Variants in CYP7A1 observed in about 807,000 individuals in gnomAD.
CYP7A1 encodes cytochrome P450 7A1.
In CYP7A1, 28 loss-of-function variants were observed where a neutral mutation model predicts 43.8. The ratio of observed to expected loss-of-function variants is 0.64; its 90% CI spans 0.47 to 0.88. The LOEUF (loss-of-function observed/expected upper bound fraction) is 0.88. Ranked by LOEUF, CYP7A1 falls within the 40% of genes least tolerant of loss-of-function variation. The pLI, the probability that CYP7A1 is intolerant of heterozygous loss-of-function variation, is 0.00. For missense variants in CYP7A1, 637 were observed against 611.9 expected, an observed-to-expected ratio of 1.04 and a Z score of -0.43; for synonymous variants, 227 against 222.5, an observed-to-expected ratio of 1.02 and a Z score of -0.18.
intron 4 of CYP7A1, among the ~76,000 whole-genome samples, chr8:58,493,986 C>G (rs113073038): frequency 6.6e-6 from 1 of 151,956 alleles, no homozygotes; most frequent in Non-Finnish European, 1.5e-5. Flanking sequence ...GGCAACAGAA[C>G]AAGACTTTGT....
intron 1 of CYP7A1, among the ~76,000 whole-genome samples, chr8:58,498,697 C>T (rs1809486467): frequency 1.3e-5 from 2 of 152,094 alleles, no homozygotes; most frequent in Admixed American, 6.6e-5. Flanking sequence ...TTCATGCATC[C>T]GTCCATATAC....
Position 58,491,604 on chromosome 8 carries a change from A to C in CYP7A1, c.1386T>G (p.Leu462=). 1.2e-6 allele frequency: 2 copies of C among 1,614,238 alleles called. No individual in the cohort carries two copies. Among genetic ancestry groups the C allele is most frequent in the Non-Finnish European group, 1.7e-6 (2 of 1,180,040 alleles). ...CTATAAGCTCCAATTCAAAATAAGA[A>C]AGCATCAGAATCAAAAATTGCTTGA... ...HEIKQFLILM[L]SYFELELIEG... The change falls in exon 6 of 6, where the codon CTT becomes CTG. Residue 462 remains leucine, a synonymous_variant. Transcript: ENST00000301645.
chr8:58,492,539 T>C lies in CYP7A1; in HGVS notation c.1040-11A>G. ...CCTTGATTATACTATCTAAACATTTTAAAAGAAAAAAAGATAAAAAATGAA... is the reference window on the plus strand; with the variant it reads ...CCTTGATTATACTATCTAAACATTTCAAAAGAAAAAAAGATAAAAAATGAA... On this transcript the variant is annotated splice_polypyrimidine_tract_variant and intron_variant, in intron 4 of 5. Transcript: ENST00000301645. 3 of 1,607,860 alleles carry C rather than the reference T, an allele frequency of 1.9e-6. No individual in the cohort carries two copies. Among genetic ancestry groups the C allele is most frequent in the Non-Finnish European group, 2.6e-6 (3 of 1,175,032 alleles).
chr8:58,498,524 T>C, intron 1 of CYP7A1, 55 bp from the exon 2 acceptor site: 1 of 1,605,130 alleles, frequency 6.2e-7, no homozygotes, highest in Non-Finnish European at 8.5e-7. Context: ...GGGTTTTTAC[T>C]TACATCAGGT....
chr8:58,494,951 T>C (rs1038148217), intron 3 of CYP7A1, among the ~76,000 whole-genome samples: 4 of 151,892 alleles, frequency 2.6e-5, no homozygotes, highest in Non-Finnish European at 4.4e-5. Context: ...CTGACCAACA[T>C]GGCGAAACCC....
In CYP7A1 at chr8:58,500,150, G is replaced by A. The variant is rs753133818; in HGVS notation, c.-52C>T. ...AGGAAGAAAATCTCTGATTAGAAAG[G>A]GAAGGATGCCACTGAAAAGAGACTC... On this transcript the variant is annotated 5_prime_UTR_variant, in exon 1 of 6. Coordinates refer to ENST00000301645, the MANE Select transcript of CYP7A1 (RefSeq NM_000780.4). 7.1e-7 allele frequency: 1 copy of A among 1,404,794 alleles called. No individual in the cohort carries two copies. The highest frequency in any genetic ancestry group is 1.0e-6 in the Non-Finnish European group (1 of 989,758). 87.0% of individuals were successfully genotyped at this position (1,404,794 alleles called of 1,614,324 possible). A position where few individuals can be genotyped will look rare whatever the true frequency, so the allele number is the denominator to read the frequency against.
intron 1 of CYP7A1, 152 bp from the exon 2 acceptor site, chr8:58,498,621 A>G (rs1809485571): frequency 2.6e-6 from 2 of 769,292 alleles, no homozygotes; most frequent in Admixed American, 2.2e-5. Context: ...CTCTTTTACT[A>G]CAGTAATAGG....
intron 2 of CYP7A1, 126 bp downstream of exon 2, chr8:58,498,103 C>A (rs1165455121): frequency 9.6e-7 from 1 of 1,038,298 alleles, no homozygotes; most frequent in East Asian, 2.5e-5. Context: ...CTAAGAATCT[C>A]CACATAAGGA....
intron 2 of CYP7A1, among the ~76,000 whole-genome samples, chr8:58,497,746 C>G (rs1480935396): frequency 6.6e-6 from 1 of 152,078 alleles, no homozygotes; most frequent in Non-Finnish European, 1.5e-5. Context: ...TATTTATTTG[C>G]AGTAAGTAAG....
At position 58,492,449 on chromosome 8, in the gene CYP7A1, G is replaced by C. The variant is rs761420413; in HGVS notation, c.1119C>G (p.His373Gln). The C allele has an allele frequency of 2.0e-5, 32 of 1,614,024 alleles. No individual in the cohort carries two copies. The Admixed American group carries it at 4.3e-4, about 22-fold the overall frequency. ...IRTAKEDFTL[H>Q]LEDGSYNIRK... Reference sequence around the variant, plus strand: ...GGATGTTGTAGGAACCGTCCTCAAGGTGCAAAGTGAAATCCTCCTTAGCTG... The same window carrying C: ...GGATGTTGTAGGAACCGTCCTCAAGCTGCAAAGTGAAATCCTCCTTAGCTG... Residue 373 changes from histidine (H) to glutamine (Q), a missense_variant, in exon 5 of 6, where the codon CAC becomes CAG. His to Gln is a conservative substitution (Grantham distance 24). Coordinates refer to ENST00000301645, the MANE Select transcript of CYP7A1 (RefSeq NM_000780.4).
intron 4 of CYP7A1, among the ~76,000 whole-genome samples, chr8:58,493,298 A>T (rs1047630116): frequency 2.1e-4 from 32 of 152,228 alleles, no homozygotes; most frequent in African/African-American, 7.7e-4. Context: ...GCACTGACAC[A>T]TACATATGTT....
At position 58,497,014 on chromosome 8, in the gene CYP7A1, C is replaced by A. The variant is rs1354168442; in HGVS notation, c.498G>T (p.Trp166Cys). 6.2e-7 allele frequency: 1 copy of A among 1,612,466 alleles called. No homozygotes were observed. Among genetic ancestry groups the A allele is most frequent in the East Asian group, 2.2e-5 (1 of 44,882 alleles). The change falls in exon 3 of 6, where the codon TGG becomes TGT. Residue 166 changes from tryptophan to cysteine, a missense_variant. Transcript: ENST00000301645. ...PVSSNSKTAA[W>C]VTEGMYSFCY... ...AGAAAGAATACATCCCTTCTGTCAC[C>A]CAGGCAGCGGTCTTTGAGTTAGAGG...
At chr8:58,493,509 T>G (rs2129605803) in intron 4 of CYP7A1, among the ~76,000 whole-genome samples, 1 of 152,270 alleles carries the variant, frequency 6.6e-6, no homozygotes, top group East Asian at 1.9e-4. Flanking sequence ...TTAACTGTCA[T>G]GTTTTAGGGT....
rs930310389 is a variant in CYP7A1, at chr8:58,496,909, A to T, written c.603T>A (p.His201Gln). ...DLTRRDTQKA[H>Q]ILNNLDNFKQ... ...TGAAGTTGTCAAGATTGTTTAGAAT[A>T]TGTGCTTTCTGTGTGTCCCGCCTTG... Residue 201 changes from histidine (H) to glutamine (Q), a missense_variant, in exon 3 of 6, where the codon CAT becomes CAA. His to Gln is a conservative substitution (Grantham distance 24). Coordinates refer to ENST00000301645, the MANE Select transcript of CYP7A1 (RefSeq NM_000780.4). The T allele has an allele frequency of 4.3e-6, 7 of 1,614,076 alleles. No homozygotes were observed. In the African/African-American group the frequency reaches 9.3e-5, roughly 22 times the overall value.
Position 58,496,601 on chromosome 8 carries a change from C to T in CYP7A1, c.908+3G>A. 1 of 1,609,026 alleles carries T rather than the reference C, an allele frequency of 6.2e-7. No homozygotes were observed. Among genetic ancestry groups the T allele is most frequent in the South Asian group, 1.1e-5 (1 of 90,968 alleles). ...AAAAAGAAATGGATATGGCGTTAGT[C>T]ACCTAATCATTTGAAATAAACTCCA... On this transcript the variant is annotated splice_donor_region_variant and intron_variant, in intron 3 of 5. Transcript: ENST00000301645.
At chr8:58,495,223 A>ATTTATTTATTTATTTAT (rs1809420973) in intron 3 of CYP7A1, among the ~76,000 whole-genome samples, 2 of 146,782 alleles carry the variant, frequency 1.4e-5, no homozygotes, top group Admixed American at 1.4e-4. Context: ...ATTTTTATTT[A>ATTTATTTATTTATTTAT]TTTATTTATT....
chr8:58,499,664 G>A (rs1196774308), intron 1 of CYP7A1, among the ~76,000 whole-genome samples: 1 of 152,132 alleles, frequency 6.6e-6, no homozygotes, highest in Non-Finnish European at 1.5e-5. Flanking sequence ...CCTTTCCATT[G>A]TAGATTCCCA....
rs904281116 is a variant in CYP7A1, at chr8:58,490,670, C to T, written c.*805G>A. On this transcript the variant is annotated 3_prime_UTR_variant, in exon 6 of 6. Coordinates refer to ENST00000301645, the MANE Select transcript of CYP7A1 (RefSeq NM_000780.4). ...TATAGAGAAGATAGTTAAAGCCGGA[C>T]ATAGAGTTTTCAGCAACAATAAGTT... 3 of 152,078 alleles carry T rather than the reference C, an allele frequency of 2.0e-5. No individual in the cohort carries two copies. Among genetic ancestry groups the T allele is most frequent in the African/African-American group, 7.2e-5 (3 of 41,388 alleles). The allele number at this position is 152,078 out of a possible 1,614,324, so 9.4% of individuals were successfully genotyped here. A position where few individuals can be genotyped will look rare whatever the true frequency, so the allele number is the denominator to read the frequency against.
At position 58,497,175 on chromosome 8, in the gene CYP7A1, T is replaced by C. The variant is rs1809459086; in HGVS notation, c.337A>G (p.Ser113Gly). ...ATSAKAFGHR[S>G]IDPMDGNTTE... is the part of the protein sequence containing the mutation. ...GTATTTCCATCCATCGGGTCAATGC[T>C]TCTGTGCCCAAATGCCTGATAGCAA... The change falls in exon 3 of 6, where the codon AGC becomes GGC. Residue 113 changes from serine to glycine, a missense_variant. Physicochemically the swap from Ser to Gly is moderately conservative, Grantham distance 56. Transcript: ENST00000301645. The C allele has an allele frequency of 6.3e-7, 1 of 1,599,430 alleles. No individual in the cohort carries two copies. Among genetic ancestry groups the C allele is most frequent in the Non-Finnish European group, 8.5e-7 (1 of 1,179,784 alleles).
Sources: gnomAD v4.1 joint callset for allele counts (sites outside exome capture counted in the v4.1 genomes callset) on GRCh38, gnomAD v4.1.1 for gene constraint, MANE v1.5 for transcripts, NCBI Gene and HGNC (gene_info 2026-07-23, HGNC 2026-07-21) for gene names.